The following TP63 variants were observed in gnomAD, a reference collection of about 807,000 sequenced individuals.
TP63 encodes the protein tumor protein 63.
A neutral mutation model predicts 82.8 loss-of-function variants in TP63; 17 were observed. That is an observed-to-expected ratio of 0.21 (90% CI 0.14 to 0.31). The LOEUF is 0.31. Among genes scored for constraint, TP63 ranks in the 10% least tolerant of loss-of-function variants. The probability of loss-of-function intolerance (pLI) is 1.00; values close to 1 mark genes in which losing one functional copy is unlikely to be tolerated. For missense variants in TP63, 648 were observed against 895.3 expected, an observed-to-expected ratio of 0.72 and a Z score of 3.52; for synonymous variants, 330 against 321.7, an observed-to-expected ratio of 1.03 and a Z score of -0.28.
At chr3:189,612,522 A>G in the TP63 span, among the ~76,000 whole-genome samples, 1 of 152,126 alleles carries the variant, frequency 6.6e-6, no homozygotes, top group Non-Finnish European at 1.5e-5. Flanking sequence ...AGTCTTGAGT[A>G]TGTCTATCAG....
chr3:189,885,751 T>C (rs1560301043), intron 10 of TP63, among the ~76,000 whole-genome samples: 1 of 152,338 alleles, frequency 6.6e-6, no homozygotes, highest in African/African-American at 2.4e-5. Context: ...GTCAATAGAA[T>C]AGTTATTTGG....
intron 1 of TP63, among the ~76,000 whole-genome samples, chr3:189,701,522 C>CAT (rs35031313): frequency 0.02 from 2,787 of 136,658 alleles, 47 homozygotes; most frequent in East Asian, 0.1. Context: ...GATATATATA[C>CAT]ATATATATAT....
intron 3 of TP63, among the ~76,000 whole-genome samples, chr3:189,771,073 C>G (rs1398815780): frequency 6.6e-6 from 1 of 151,462 alleles, no homozygotes; most frequent in Non-Finnish European, 1.5e-5. Flanking sequence ...TATGAAAAGC[C>G]ACTTAACTTC....
Position 189,872,975 on chromosome 3 carries a change from C to A in TP63, c.1329C>A (p.His443Gln), listed in dbSNP as rs1718615950. The change falls in exon 10 of 14, where the codon CAC (histidine) becomes CAA (glutamine). Residue 443 changes from histidine to glutamine, a missense_variant. This residue lies in a region of TP63 where 342 missense variants were observed against 425.7 expected (regional missense o/e 0.80). Transcript: ENST00000264731. ...ETYRQQQQQQ[H>Q]QHLLQKQTSI... is the part of the protein sequence containing the mutation. ...ACAGGCAACAGCAACAGCAGCAGCA[C>A]CAGCACTTACTTCAGAAACAGTGAG... is the stretch of plus-strand genomic sequence containing the variant. The A allele has an allele frequency of 6.2e-7, 1 of 1,614,004 alleles. No individual in the cohort carries two copies. The highest frequency in any genetic ancestry group is 1.3e-5 in the African/African-American group (1 of 74,900).
chr3:189,617,009 T>C, the TP63 span, among the ~76,000 whole-genome samples: 1 of 152,192 alleles, frequency 6.6e-6, no homozygotes, highest in East Asian at 1.9e-4. Flanking sequence ...CTATCAGGCT[T>C]TCTGCTTCCT....
chr3:189,868,048 C>T (rs1717946858), intron 7 of TP63, 106 bp downstream of exon 7: 1 of 928,374 alleles, frequency 1.1e-6, no homozygotes, highest in Non-Finnish European at 1.7e-6. Flanking sequence ...CAGCGGAGAG[C>T]TTGTCCTTTG....
At chr3:189,665,734 CCTAA>C (rs1159495894) in intron 1 of TP63, among the ~76,000 whole-genome samples, 1 of 152,022 alleles carries the variant, frequency 6.6e-6, no homozygotes, top group Non-Finnish European at 1.5e-5. Context: ...CAGAAAGTAA[CCTAA>C]CTAATACACC....
intron 3 of TP63, among the ~76,000 whole-genome samples, chr3:189,791,423 G>T (rs1725130370): frequency 6.6e-6 from 1 of 152,076 alleles, no homozygotes; most frequent in Non-Finnish European, 1.5e-5. Flanking sequence ...GATATTTGTA[G>T]AAATTATTTC....
the TP63 span, among the ~76,000 whole-genome samples, chr3:189,617,647 G>A: frequency 2.6e-5 from 4 of 152,100 alleles, no homozygotes; most frequent in African/African-American, 7.2e-5. Context: ...TTTAATGATG[G>A]CATTAACATC....
chr3:189,784,541 T>A (rs1056487787), intron 3 of TP63, among the ~76,000 whole-genome samples: 1 of 152,052 alleles, frequency 6.6e-6, no homozygotes, highest in Non-Finnish European at 1.5e-5. Flanking sequence ...TTAAATGAGT[T>A]TGTTATATGT....
chr3:189,843,489 T>A (rs1019416289), intron 4 of TP63, among the ~76,000 whole-genome samples: 7 of 152,180 alleles, frequency 4.6e-5, no homozygotes, highest in South Asian at 2.1e-4. Context: ...AGGATTTTTT[T>A]AAAAAAATGA....
chr3:189,809,121 T>C (rs1727257783), intron 4 of TP63, among the ~76,000 whole-genome samples: 1 of 152,084 alleles, frequency 6.6e-6, no homozygotes, highest in Admixed American at 6.5e-5. Flanking sequence ...TTGATATGTA[T>C]ATATTTATTT....
chr3:189,810,343 T>A (rs1335794335), intron 4 of TP63, among the ~76,000 whole-genome samples: 2 of 152,198 alleles, frequency 1.3e-5, no homozygotes, highest in African/African-American at 4.8e-5. Flanking sequence ...CAGTCACCAG[T>A]CTTCAAAGCT....
chr3:189,727,832 A>T (rs1719878510), intron 1 of TP63, among the ~76,000 whole-genome samples: 1 of 152,200 alleles, frequency 6.6e-6, no homozygotes, highest in Non-Finnish European at 1.5e-5. Flanking sequence ...TTTGTCAAAA[A>T]GTACCCTGTT....
intron 3 of TP63, among the ~76,000 whole-genome samples, chr3:189,776,249 G>A (rs1723784521): frequency 6.6e-6 from 1 of 152,074 alleles, no homozygotes; most frequent in Non-Finnish European, 1.5e-5. Flanking sequence ...ATCATTGCTT[G>A]CAATTACTGC....
At chr3:189,742,243 CAAAAAAAAAAA>C (rs140413709) in intron 3 of TP63, among the ~76,000 whole-genome samples, 6 of 77,620 alleles carry the variant, frequency 7.7e-5, no homozygotes, top group Non-Finnish European at 1.2e-4. Flanking sequence ...AACTCCATCC[CAAAAAAAAAAA>C]AAAAAAAAAA....
At position 189,836,540 on chromosome 3, in the gene TP63, A is replaced by G. The variant is rs1577067900; in HGVS notation, c.580-27692A>G. Among the ~76,000 whole-genome samples, 3 of 152,328 alleles carry G rather than the reference A, an allele frequency of 2.0e-5. No individual in the cohort carries two copies. In the East Asian group the frequency reaches 5.8e-4, roughly 29 times the overall value. ...TATAATTTGTTAATAATTCTCATTC[A>G]TCTACCAGAAACTTAAAACTTGGTA... On this transcript the variant is annotated intron_variant, in intron 4 of 13. Transcript: ENST00000264731.
chr3:189,837,001 C>A (rs1295579703), intron 4 of TP63, among the ~76,000 whole-genome samples: 1 of 152,126 alleles, frequency 6.6e-6, no homozygotes, highest in Non-Finnish European at 1.5e-5. Context: ...AGTTATGTAA[C>A]CTTTCTTGAG....
chr3:189,890,834 G>T lies in TP63; in HGVS notation c.1698G>T (p.Thr566=), dbSNP rs1425837540. 1.2e-6 allele frequency: 2 copies of T among 1,613,830 alleles called. No homozygotes were observed. The highest frequency in any genetic ancestry group is 1.7e-5 in the Admixed American group (1 of 59,998). ...LGCSSCLDYF[T]TQGLTTIYQI... is the part of the protein sequence containing the mutation. ...GTTCATCATGTCTGGACTATTTCAC[G>T]ACCCAGGGGCTGACCACCATCTATC... The change falls in exon 13 of 14, where the codon ACG becomes ACT. Residue 566 remains threonine (T), a synonymous_variant. Coordinates refer to ENST00000264731, the MANE Select transcript of TP63 (RefSeq NM_003722.5).
Sources: gnomAD v4.1 joint callset for allele counts (sites outside exome capture counted in the v4.1 genomes callset) on GRCh38, gnomAD v4.1.1 for gene constraint, gnomAD v4.1.1 regional missense constraint, MANE v1.5 for transcripts, NCBI Gene and HGNC (gene_info 2026-07-23, HGNC 2026-07-21) for gene names.